The following OSBPL1A variants were observed in gnomAD, a reference collection of about 807,000 sequenced individuals.
The protein encoded by OSBPL1A is oxysterol-binding protein-related protein 1.
A neutral mutation model predicts 137.1 loss-of-function variants in OSBPL1A; 80 were observed. The ratio of observed to expected loss-of-function variants is 0.58; its 90% CI spans 0.49 to 0.70. The LOEUF is 0.70. Ranked by LOEUF, OSBPL1A falls within the 30% of genes least tolerant of loss-of-function variation. OSBPL1A has a pLI of 0.00. For synonymous variants in OSBPL1A, 365 were observed against 389.7 expected (o/e 0.94, Z 0.75); for missense variants, 970 against 1,129.4 (o/e 0.86, Z 2.02).
At chr18:24,222,567 A>G (rs554572763) in intron 17 of OSBPL1A, among the ~76,000 whole-genome samples, 1 of 152,290 alleles carries the variant, frequency 6.6e-6, no homozygotes, top group South Asian at 2.1e-4. Context: ...TACGGTGTCC[A>G]CTAATTTTCC....
At chr18:24,389,562 G>A (rs1907180335) in intron 1 of OSBPL1A, among the ~76,000 whole-genome samples, 1 of 152,140 alleles carries the variant, frequency 6.6e-6, no homozygotes, top group South Asian at 2.1e-4. Flanking sequence ...ACAACTCCAA[G>A]GGCGATGACT....
intron 16 of OSBPL1A, among the ~76,000 whole-genome samples, chr18:24,226,094 A>AG (rs2088068667): frequency 6.6e-6 from 1 of 152,218 alleles, no homozygotes; most frequent in Admixed American, 6.5e-5. Context: ...TAGGATGGAA[A>AG]GGTCACATTT....
intron 15 of OSBPL1A, among the ~76,000 whole-genome samples, chr18:24,277,893 T>C (rs562673042): frequency 1.3e-5 from 2 of 152,346 alleles, no homozygotes; most frequent in South Asian, 4.1e-4. Flanking sequence ...ATATAATTAC[T>C]CAGAAGATAC....
chr18:24,353,260 G>C lies in OSBPL1A; in HGVS notation c.283-11602C>G, dbSNP rs8087812. 6.2e-3 allele frequency among the ~76,000 whole-genome samples: 947 copies of C among 151,942 alleles called. 5 individuals carry two copies. The highest frequency in any genetic ancestry group is 0.02 in the South Asian group (96 of 4,814). ...ACCCCATCAAAAAGTGGGCGAAGGAGATGAACAGACACTTCTAAAAAGAAG... is the reference window on the plus strand; with the variant it reads ...ACCCCATCAAAAAGTGGGCGAAGGACATGAACAGACACTTCTAAAAAGAAG... On this transcript the variant is annotated intron_variant, in intron 4 of 27. Coordinates refer to ENST00000319481, the MANE Select transcript of OSBPL1A (RefSeq NM_080597.4).
intron 2 of OSBPL1A, among the ~76,000 whole-genome samples, chr18:24,370,051 A>G (rs770061023): frequency 6.6e-6 from 1 of 152,054 alleles, no homozygotes; most frequent in Non-Finnish European, 1.5e-5. Flanking sequence ...GAGAAACCCC[A>G]TCTCTACAGA....
At chr18:24,237,576 A>G (rs1420891410) in intron 16 of OSBPL1A, among the ~76,000 whole-genome samples, 2 of 152,192 alleles carry the variant, frequency 1.3e-5, no homozygotes, top group Admixed American at 6.5e-5. Context: ...AAGTGCTAGG[A>G]TTACAAGTGC....
chr18:24,234,236 T>C (rs1324103575), intron 16 of OSBPL1A, among the ~76,000 whole-genome samples: 1 of 152,192 alleles, frequency 6.6e-6, no homozygotes, highest in Non-Finnish European at 1.5e-5. Context: ...TATCTTTTTG[T>C]TTCAATGCGC....
At chr18:24,336,085 C>T (rs1298822930) in intron 5 of OSBPL1A, among the ~76,000 whole-genome samples, 1 of 152,220 alleles carries the variant, frequency 6.6e-6, no homozygotes, top group African/African-American at 2.4e-5. Flanking sequence ...TACATACCTC[C>T]ACCACTGCAT....
At chr18:24,347,173 TGTAAA>T (rs941295870) in intron 4 of OSBPL1A, among the ~76,000 whole-genome samples, 2 of 152,172 alleles carry the variant, frequency 1.3e-5, no homozygotes, top group Non-Finnish European at 2.9e-5. Context: ...TTTTACTTCT[TGTAAA>T]GTAATTTTAT....
intron 1 of OSBPL1A, among the ~76,000 whole-genome samples, chr18:24,392,784 G>A (rs1384863935): frequency 6.6e-6 from 1 of 152,132 alleles, no homozygotes; most frequent in Non-Finnish European, 1.5e-5. Flanking sequence ...TCAAACTCCT[G>A]GACTCAAGCA....
Position 24,333,028 on chromosome 18 carries a change from A to C in OSBPL1A, c.539T>G (p.Leu180Trp), listed in dbSNP as rs1380332127. Residue 180 changes from leucine (L) to tryptophan (W), a missense_variant, in exon 7 of 28, where the codon TTG becomes TGG. Leu to Trp is a moderately conservative substitution (Grantham distance 61). Coordinates refer to ENST00000319481, the MANE Select transcript of OSBPL1A (RefSeq NM_080597.4). Reference sequence around the variant, plus strand: ...ATGGGCCCGGTAAGCTGCACAATGCAAGGGTGTATTTCCTAACTGATCCGA... The same window carrying C: ...ATGGGCCCGGTAAGCTGCACAATGCCAGGGTGTATTTCCTAACTGATCCGA... ...NCSDQLGNTPLHCAAYRAHKQ... is the reference protein window; with the variant it reads ...NCSDQLGNTPWHCAAYRAHKQ... 30 of 1,614,048 alleles carry C rather than the reference A, an allele frequency of 1.9e-5. No homozygotes were observed. Among genetic ancestry groups the C allele is most frequent in the Non-Finnish European group, 2.5e-5 (29 of 1,180,012 alleles).
At chr18:24,195,094 T>A (rs2086988956) in intron 18 of OSBPL1A, among the ~76,000 whole-genome samples, 1 of 151,526 alleles carries the variant, frequency 6.6e-6, no homozygotes, top group South Asian at 2.1e-4. Flanking sequence ...AGCCCAGGAG[T>A]TCGAGACCAG....
chr18:24,368,127 A>G, intron 3 of OSBPL1A, 160 bp downstream of exon 3: 1 of 469,550 alleles, frequency 2.1e-6, no homozygotes, highest in Non-Finnish European at 3.9e-6. Context: ...AACCTAATTC[A>G]TGTATTTATT....
rs188357767 is a variant in OSBPL1A at position 24,331,293 on chromosome 18, C to T, written c.625+1649G>A. 2.3e-3 allele frequency among the ~76,000 whole-genome samples: 349 copies of T among 152,134 alleles called. 2 individuals are homozygous for T. The highest frequency in any genetic ancestry group is 0.011 in the South Asian group (51 of 4,822). On this transcript the variant is annotated intron_variant, in intron 7 of 27. Transcript: ENST00000319481. Reference sequence around the variant, plus strand: ...TGATTTAGGCTCTGATGGAGGTGAACGCAGGGTCCTGTGGGACCCCTGATG... The same window carrying T: ...TGATTTAGGCTCTGATGGAGGTGAATGCAGGGTCCTGTGGGACCCCTGATG...
At position 24,196,078 on chromosome 18, in the gene OSBPL1A, G is replaced by A. The variant is rs375719489; in HGVS notation, c.1677+47C>T. The A allele has an allele frequency of 1.6e-4, 221 of 1,407,222 alleles. 1 individual carries two copies. The African/African-American group carries it at 2.7e-3, about 17-fold the overall frequency. The allele number at this position is 1,407,222 out of a possible 1,614,324, so 87.2% of individuals were successfully genotyped here. ...TTAGGTTCCTTTCTAAAGAATATGC[G>A]ATTAAACATATCTGCTTAATATCAT... On this transcript the variant is annotated intron_variant, in intron 18 of 27. Transcript: ENST00000319481.
At chr18:24,278,789 A>AT (rs1171369732) in intron 15 of OSBPL1A, among the ~76,000 whole-genome samples, 1 of 149,358 alleles carries the variant, frequency 6.7e-6, no homozygotes, top group African/African-American at 2.6e-5. Flanking sequence ...ATGACATCAT[A>AT]TTTTATTAAT....
intron 18 of OSBPL1A, among the ~76,000 whole-genome samples, chr18:24,182,373 G>T (rs900186432): frequency 1.3e-5 from 2 of 152,124 alleles, no homozygotes; most frequent in African/African-American, 4.8e-5. Flanking sequence ...GGTATTTACC[G>T]GAATATTCTG....
chr18:24,279,250 TA>T (rs565359517), intron 15 of OSBPL1A, among the ~76,000 whole-genome samples: 8,640 of 125,374 alleles, frequency 0.069, 446 homozygotes, highest in African/African-American at 0.16. Context: ...CCCATTTCTT[TA>T]AAAAAAAAAA....
intron 14 of OSBPL1A, among the ~76,000 whole-genome samples, chr18:24,292,244 T>C (rs2090187305): frequency 6.6e-6 from 1 of 152,176 alleles, no homozygotes; most frequent in African/African-American, 2.4e-5. Context: ...CTCAAAGATT[T>C]GCCTCAGAAA....
Sources: allele counts gnomAD v4.1 joint callset (sites outside exome capture counted in the v4.1 genomes callset), GRCh38; gene constraint gnomAD v4.1.1; transcripts MANE v1.5; gene names NCBI Gene and HGNC (gene_info 2026-07-23, HGNC 2026-07-21).